BRWD1: variants seen among roughly 807,000 people sequenced by gnomAD.
BRWD1 encodes bromodomain and WD repeat-containing protein 1.
BRWD1 carries 82 observed loss-of-function variants against 251.2 expected under a neutral mutation model. That is an observed-to-expected ratio of 0.33 (90% confidence interval 0.27 to 0.39). BRWD1 has a LOEUF of 0.39. BRWD1 is among the 10% of genes least tolerant of loss of function. BRWD1 has a pLI of 1.00. For missense variants in BRWD1, 2,233 were observed against 2,711.6 expected, an observed-to-expected ratio of 0.82 and a Z score of 3.92; for synonymous variants, 918 against 902.8, an observed-to-expected ratio of 1.02 and a Z score of -0.30.
intron 4 of BRWD1, among the ~76,000 whole-genome samples, chr21:39,312,223 G>A (rs541608406): frequency 6.6e-6 from 1 of 152,290 alleles, no homozygotes; most frequent in Non-Finnish European, 1.5e-5. Context: ...ACTTTATTGT[G>A]TTATCTACAA....
In BRWD1 at chr21:39,187,954, T is replaced by C. The variant is rs1039459255; in HGVS notation, c.*8305A>G. The stretch of plus-strand genomic sequence containing the variant: ...GAGAGGTGAAAATTGTGAAGGGATT[T>C]GCCAGACAAAAAGCACTTTGGAGAG... On this transcript the variant is annotated 3_prime_UTR_variant, in exon 41 of 41. Transcript: ENST00000342449. The C allele has an allele frequency of 1.8e-5, 18 of 984,832 alleles. No homozygotes were observed. The highest frequency in any genetic ancestry group is 1.0e-3 in the Middle Eastern group (2 of 1,930). The allele number at this position is 984,832 out of a possible 1,614,324, so 61.0% of individuals were successfully genotyped here. A position where few individuals can be genotyped will look rare whatever the true frequency, so the allele number is the denominator to read the frequency against.
chr21:39,216,317 A>G (rs1236922338), intron 31 of BRWD1, among the ~76,000 whole-genome samples: 1 of 152,196 alleles, frequency 6.6e-6, no homozygotes, highest in African/African-American at 2.4e-5. Context: ...CTATATAAAT[A>G]TTATTTTTAA....
In BRWD1 at chr21:39,186,418, AG is replaced by A. The variant is rs1290002658; in HGVS notation, c.*9840del. 7.9e-5 allele frequency: 12 copies of A among 152,344 alleles called. 1 individual carries two copies. Among genetic ancestry groups the A allele is most frequent in the African/African-American group, 2.9e-4 (12 of 41,576 alleles). 9.4% of individuals were successfully genotyped at this position (152,344 alleles called of 1,614,324 possible). On this transcript the variant is annotated 3_prime_UTR_variant, in exon 41 of 41. Coordinates refer to ENST00000342449, the MANE Select transcript of BRWD1 (RefSeq NM_033656.4). Reference sequence around the variant, plus strand: ...TTGCCTATTTCCAACACTCTACTTCAGAACTCAATAATCAGTATCTCCAGCT... The same window carrying A: ...TTGCCTATTTCCAACACTCTACTTCAAACTCAATAATCAGTATCTCCAGCT...
At chr21:39,197,532 G>A in intron 40 of BRWD1, 117 bp from the exon 41 acceptor site, 1 of 775,348 alleles carries the variant, frequency 1.3e-6, no homozygotes, top group Non-Finnish European at 2.0e-6. Flanking sequence ...TGCAGTGAAT[G>A]GAATGGTACA....
At chr21:39,236,140 G>C (rs1277987644) in intron 23 of BRWD1, 1 of 157,082 alleles carries the variant, frequency 6.4e-6, no homozygotes, top group Non-Finnish European at 1.4e-5. Flanking sequence ...ATCTCCTCAA[G>C]ACTGAAGTGA....
In BRWD1 at chr21:39,304,486, C is replaced by T. The variant is rs571075320; in HGVS notation, c.199-5904G>A. ...TTAATTAGCCGGCCATGATGGCATA[C>T]ACGTATAGACTCAGCTACTCAGGAG... On this transcript the variant is annotated intron_variant, in intron 4 of 40. Coordinates refer to ENST00000342449, the MANE Select transcript of BRWD1 (RefSeq NM_033656.4). Among the ~76,000 whole-genome samples, 12 of 151,834 alleles carry T rather than the reference C, an allele frequency of 7.9e-5. No homozygotes were observed. The South Asian group carries it at 2.3e-3, about 29-fold the overall frequency.
At chr21:39,234,666 T>C (rs774603534) in intron 23 of BRWD1, among the ~76,000 whole-genome samples, 4 of 152,324 alleles carry the variant, frequency 2.6e-5, no homozygotes, top group South Asian at 2.1e-4. Context: ...AAGATTTCAA[T>C]AGCACCAACA....
At chr21:39,308,770 G>A (rs1228964619) in intron 4 of BRWD1, among the ~76,000 whole-genome samples, 1 of 152,028 alleles carries the variant, frequency 6.6e-6, no homozygotes, top group Non-Finnish European at 1.5e-5. Context: ...CCATCATAAG[G>A]AACAATAAGA....
rs776200206 is a variant in BRWD1, at chr21:39,191,186, C to G, written c.*5073G>C. On this transcript the variant is annotated 3_prime_UTR_variant, in exon 41 of 41. Transcript: ENST00000342449. Reference sequence around the variant, plus strand: ...TATTACTGTACTACTGGAAAGAAACCAGGCCACAGACAATCCAATGGCAAA... The same window carrying G: ...TATTACTGTACTACTGGAAAGAAACGAGGCCACAGACAATCCAATGGCAAA... 2.4e-4 allele frequency: 236 copies of G among 985,238 alleles called. No homozygotes were observed. Among genetic ancestry groups the G allele is most frequent in the Non-Finnish European group, 2.7e-4 (227 of 829,882 alleles). The allele number at this position is 985,238 out of a possible 1,614,324, so 61.0% of individuals were successfully genotyped here. A position where few individuals can be genotyped will look rare whatever the true frequency, so the allele number is the denominator to read the frequency against.
At chr21:39,313,850 G>T, upstream of BRWD1, 1 of 341,732 alleles carries the variant, frequency 2.9e-6, no homozygotes, top group East Asian at 9.4e-5. Flanking sequence ...GGGGAGGGGA[G>T]GGCGCGTGGT....
rs1446886539 is a variant in BRWD1 at position 39,194,277 on chromosome 21, C to G, written c.*1982G>C. ...ATTTATTTATGGATTTTTTTGGTAC[C>G]TTTTTGCAAATGATGGTAAACATGG... On this transcript the variant is annotated 3_prime_UTR_variant, in exon 41 of 41. Coordinates refer to ENST00000342449, the MANE Select transcript of BRWD1 (RefSeq NM_033656.4). 1 of 988,966 alleles carries G rather than the reference C, an allele frequency of 1.0e-6. No individual in the cohort carries two copies. The highest frequency in any genetic ancestry group is 1.8e-5 in the African/African-American group (1 of 57,126). The allele number at this position is 988,966 out of a possible 1,614,324, so 61.3% of individuals were successfully genotyped here.
intron 32 of BRWD1, among the ~76,000 whole-genome samples, chr21:39,214,880 C>CTT (rs11337511): frequency 8.5e-6 from 1 of 117,560 alleles, no homozygotes; most frequent in Admixed American, 8.9e-5. Flanking sequence ...TTTTTTTTTC[C>CTT]TTTTTTTTTT....
Position 39,235,636 on chromosome 21 carries a change from T to C in BRWD1, c.2766+959A>G, listed in dbSNP as rs546855350. Reference sequence around the variant, plus strand: ...AGGTCAAAATCTCTAGGAGAAAAACTCCCCAAATTCTTTCCCCAAGTCGGC... The same window carrying C: ...AGGTCAAAATCTCTAGGAGAAAAACCCCCCAAATTCTTTCCCCAAGTCGGC... On this transcript the variant is annotated intron_variant, in intron 23 of 40. Coordinates refer to ENST00000342449, the MANE Select transcript of BRWD1 (RefSeq NM_033656.4). The C allele has an allele frequency of 7.7e-5, 17 of 221,518 alleles. No homozygotes were observed. In the South Asian group the frequency reaches 1.4e-3, roughly 18 times the overall value. The allele number at this position is 221,518 out of a possible 1,614,324, so 13.7% of individuals were successfully genotyped here. A position where few individuals can be genotyped will look rare whatever the true frequency, so the allele number is the denominator to read the frequency against.
At chr21:39,261,094 G>A (rs2034728728) in intron 17 of BRWD1, among the ~76,000 whole-genome samples, 1 of 152,032 alleles carries the variant, frequency 6.6e-6, no homozygotes, top group Non-Finnish European at 1.5e-5. Flanking sequence ...GTGTGGTGGT[G>A]CACACCTGTA....
intron 4 of BRWD1, among the ~76,000 whole-genome samples, chr21:39,305,947 T>C (rs2036273255): frequency 6.6e-6 from 1 of 151,134 alleles, no homozygotes; most frequent in Non-Finnish European, 1.5e-5. Flanking sequence ...ATCGGGAGGA[T>C]CACCTGTGCC....
chr21:39,217,051 T>TTA (rs1192153828), intron 31 of BRWD1: 1 of 21,204 alleles, frequency 4.7e-5, no homozygotes, highest in Non-Finnish European at 9.1e-5. Context: ...ATATATATAT[T>TTA]TATATATATA....
At chr21:39,267,577 CGACA>C (rs1188372622) in intron 15 of BRWD1, among the ~76,000 whole-genome samples, 1 of 152,010 alleles carries the variant, frequency 6.6e-6, no homozygotes, top group Non-Finnish European at 1.5e-5. Context: ...CCAGCCTGGG[CGACA>C]GAGAGAGACT....
intron 39 of BRWD1, 29 bp from the exon 40 acceptor site, chr21:39,199,691 A>C (rs1418628719): frequency 6.6e-7 from 1 of 1,521,826 alleles, no homozygotes; most frequent in Non-Finnish European, 8.9e-7. Context: ...ATAAGATTAA[A>C]AAGATTTTCC....
chr21:39,195,825 T>A lies in BRWD1; in HGVS notation c.*434A>T, dbSNP rs368560058. 13 of 987,742 alleles carry A rather than the reference T, an allele frequency of 1.3e-5. No homozygotes were observed. The Admixed American group carries it at 2.5e-4, about 19-fold the overall frequency. 61.2% of individuals were successfully genotyped at this position (987,742 alleles called of 1,614,324 possible). A position where few individuals can be genotyped will look rare whatever the true frequency, so the allele number is the denominator to read the frequency against. On this transcript the variant is annotated 3_prime_UTR_variant, in exon 41 of 41. Coordinates refer to ENST00000342449, the MANE Select transcript of BRWD1 (RefSeq NM_033656.4). The stretch of plus-strand genomic sequence containing the variant: ...TATAGTGTCAGTATGCATGTATTTA[T>A]GAAGAATCTGTAAACATAGGTTGTG...
Sources: allele counts gnomAD v4.1 joint callset (sites outside exome capture counted in the v4.1 genomes callset), GRCh38; gene constraint gnomAD v4.1.1; transcripts MANE v1.5; gene names NCBI Gene and HGNC (gene_info 2026-07-23, HGNC 2026-07-21).